The following ASAH1 variants were observed in gnomAD, a reference collection of about 807,000 sequenced individuals.
ASAH1 encodes N-acylsphingosine amidohydrolase 1.
Under a neutral mutation model 59.5 loss-of-function variants are expected in ASAH1, and 70 were observed. The observed-to-expected ratio is 1.18, with a 90% confidence interval of 0.97 to 1.43. The LOEUF is 1.43. ASAH1 is among the 40% of genes most tolerant of loss of function. The pLI is 0.00. For synonymous variants in ASAH1, 213 were observed against 166.5 expected (o/e 1.28, Z -2.15); for missense variants, 660 against 482.5 (o/e 1.37, Z -3.45).
chr8:18,064,629 G>T, intron 5 of ASAH1, 98 bp from the exon 6 acceptor site: 1 of 762,870 alleles, frequency 1.3e-6, no homozygotes, highest in Non-Finnish European at 2.2e-6. Context: ...TTGTGTGAGT[G>T]TGTGCTTTGG....
chr8:18,059,351 G>A lies in ASAH1; in HGVS notation c.1031C>T (p.Thr344Ile), dbSNP rs189008507. 8 of 1,614,222 alleles carry A rather than the reference G, an allele frequency of 5.0e-6. No individual in the cohort carries two copies. The East Asian group carries it at 1.1e-4, about 22-fold the overall frequency. ...RTPAKMCLNR[T>I]SQENISFETM... ...ACCCTGCAAAGGTACCTCTTGGCTG[G>A]TGCGGTTCAGACACATCTTTGCAGG... The change falls in exon 12 of 14, where the codon ACC becomes ATC. Residue 344 changes from threonine to isoleucine, a missense_variant. Transcript: ENST00000637790.
intron 4 of ASAH1, 75 bp downstream of exon 4, chr8:18,069,717 G>C (rs1236131682): frequency 6.2e-6 from 7 of 1,124,812 alleles, no homozygotes; most frequent in Non-Finnish European, 9.3e-6. Context: ...AGAGGTTGCT[G>C]AATTATGCCT....
intron 13 of ASAH1, chr8:18,058,285 G>A (rs1353322029): frequency 6.4e-6 from 1 of 155,774 alleles, no homozygotes; most frequent in Non-Finnish European, 1.4e-5. Flanking sequence ...GTTTACTTTA[G>A]GGAGAGCTGT....
intron 7 of ASAH1, chr8:18,062,865 GTTC>G (rs1388329477): frequency 3.2e-4 from 91 of 282,210 alleles, no homozygotes; most frequent in East Asian, 1.8e-3. Flanking sequence ...ACAGTTCTGT[GTTC>G]TTTTTTTTTT....
chr8:18,074,469 G>GTT (rs1800306082), intron 2 of ASAH1, among the ~76,000 whole-genome samples: 1 of 152,164 alleles, frequency 6.6e-6, no homozygotes, highest in African/African-American at 2.4e-5. Context: ...ACAGTACAAC[G>GTT]TAAGTAATTT....
chr8:18,078,950 A>G (rs1589004303), intron 1 of ASAH1, among the ~76,000 whole-genome samples: 1 of 151,952 alleles, frequency 6.6e-6, no homozygotes, highest in Non-Finnish European at 1.5e-5. Flanking sequence ...AAGAGTGAAG[A>G]TAAGTGGTAA....
intron 2 of ASAH1, among the ~76,000 whole-genome samples, chr8:18,072,153 G>C (rs1171065059): frequency 6.6e-6 from 1 of 152,266 alleles, no homozygotes; most frequent in South Asian, 2.1e-4. Context: ...TTCTGGCCCT[G>C]GTTACTAAAC....
Position 18,083,996 on chromosome 8 carries a change from C to A in ASAH1, c.63G>T (p.Ala21=), listed in dbSNP as rs1204274631. Residue 21 remains alanine (A), a synonymous_variant, in exon 1 of 14, where the codon GCG becomes GCT. Transcript: ENST00000637790. ...LLAAAVSCAV[A]QHAPPWTEDC... ...GCTCACTCACCGGCGGCGCGTGCTGCGCGACGGCACAGCTGACGGCGGCAG... is the reference window on the plus strand; with the variant it reads ...GCTCACTCACCGGCGGCGCGTGCTGAGCGACGGCACAGCTGACGGCGGCAG... 6.3e-7 allele frequency: 1 copy of A among 1,597,870 alleles called. No homozygotes were observed. The highest frequency in any genetic ancestry group is 8.5e-7 in the Non-Finnish European group (1 of 1,179,428).
chr8:18,060,659 G>GA (rs1372484225), intron 10 of ASAH1: 1 of 152,302 alleles, frequency 6.6e-6, no homozygotes, highest in Non-Finnish European at 1.5e-5. Flanking sequence ...AGTGCTGGCT[G>GA]AATGAAGGAA....
rs570338656 is a variant in ASAH1 at position 18,078,682 on chromosome 8, C to A, written c.79-3095G>T. ...AATGTTATTTAAAGTTCCTTACTAT[C>A]CCCAAGTTTATAAACAGTTTAATAA... On this transcript the variant is annotated intron_variant, in intron 1 of 13. Coordinates refer to ENST00000637790, the MANE Select transcript of ASAH1 (RefSeq NM_177924.5). 1.2e-4 allele frequency among the ~76,000 whole-genome samples: 18 copies of A among 152,192 alleles called. No individual in the cohort carries two copies. In the East Asian group the frequency reaches 3.5e-3, roughly 29 times the overall value.
chr8:18,073,668 C>T (rs1245732635), intron 2 of ASAH1, among the ~76,000 whole-genome samples: 1 of 152,188 alleles, frequency 6.6e-6, no homozygotes, highest in Non-Finnish European at 1.5e-5. Context: ...TTTTTCTTCC[C>T]TCATATCTGC....
At chr8:18,064,853 A>C in intron 5 of ASAH1, 1 of 261,378 alleles carries the variant, frequency 3.8e-6, no homozygotes, top group Non-Finnish European at 7.4e-6. Context: ...ATGATCATTT[A>C]ATACATCTGG....
At chr8:18,075,183 G>A (rs968161409) in intron 2 of ASAH1, among the ~76,000 whole-genome samples, 4 of 151,926 alleles carry the variant, frequency 2.6e-5, no homozygotes, top group African/African-American at 9.7e-5. Context: ...TTTTAGTAGA[G>A]ACGGGGTTTC....
At chr8:18,075,156 T>C (rs564488350) in intron 2 of ASAH1, among the ~76,000 whole-genome samples, 29 of 151,830 alleles carry the variant, frequency 1.9e-4, no homozygotes, top group East Asian at 5.8e-4. Flanking sequence ...CCACCACGCC[T>C]GGCTAATTTT....
intron 1 of ASAH1, chr8:18,082,738 T>A (rs2117102461): frequency 6.6e-6 from 1 of 152,234 alleles, no homozygotes; most frequent in African/African-American, 2.4e-5. Context: ...TGGTGTGTGG[T>A]CTCCTTTGCC....
rs1799459397 is a variant in ASAH1 at position 18,056,035 on chromosome 8, A to C, written c.*1499T>G. 2 of 152,254 alleles carry C rather than the reference A, an allele frequency of 1.3e-5. No homozygotes were observed. Among genetic ancestry groups the C allele is most frequent in the Non-Finnish European group, 2.9e-5 (2 of 68,048 alleles). The allele number at this position is 152,254 out of a possible 1,614,324, so 9.4% of individuals were successfully genotyped here. A position where few individuals can be genotyped will look rare whatever the true frequency, so the allele number is the denominator to read the frequency against. On this transcript the variant is annotated 3_prime_UTR_variant, in exon 14 of 14. Coordinates refer to ENST00000637790, the MANE Select transcript of ASAH1 (RefSeq NM_177924.5). ...ACTATCAGGCATATCAAAGGTTATT[A>C]CATTAACAAAAAAATACATCAAGTT... is the stretch of plus-strand genomic sequence containing the variant.
In ASAH1 at chr8:18,067,302, G is replaced by A; in HGVS notation, c.304-4C>T. 1 of 1,571,474 alleles carries A rather than the reference G, an allele frequency of 6.4e-7. No homozygotes were observed. Among genetic ancestry groups the A allele is most frequent in the South Asian group, 1.2e-5 (1 of 81,498 alleles). On this transcript the variant is annotated splice_polypyrimidine_tract_variant and splice_region_variant and intron_variant, in intron 4 of 13. Coordinates refer to ENST00000637790, the MANE Select transcript of ASAH1 (RefSeq NM_177924.5). ...GAAAGTTGCCAAGTAGGCCAGGCTG[G>A]AAAACAAATATATTAATAAAAGCAT...
chr8:18,061,798 G>A (rs1433680269), intron 8 of ASAH1, 58 bp from the exon 9 acceptor site: 4 of 1,458,808 alleles, frequency 2.7e-6, no homozygotes, highest in Non-Finnish European at 3.8e-6. Context: ...TTAAGGCCCT[G>A]TCGCTCACTG....
chr8:18,084,595 C>T, upstream of ASAH1: 1 of 1,593,222 alleles, frequency 6.3e-7, no homozygotes, highest in Non-Finnish European at 8.6e-7. Context: ...ACCGCGGAGT[C>T]AGGGACAAGG....
Sources: gnomAD v4.1 joint callset for allele counts (sites outside exome capture counted in the v4.1 genomes callset) on GRCh38, gnomAD v4.1.1 for gene constraint, MANE v1.5 for transcripts, NCBI Gene and HGNC (gene_info 2026-07-23, HGNC 2026-07-21) for gene names.